TENM3: variants seen among roughly 807,000 people sequenced by gnomAD.
TENM3 encodes teneurin-3.
TENM3 carries 63 observed loss-of-function variants against 255.1 expected under a neutral mutation model. The ratio of observed to expected loss-of-function variants is 0.25; its 90% confidence interval spans 0.20 to 0.30. TENM3 has a LOEUF of 0.30. Ranked by LOEUF, TENM3 falls within the 10% of genes least tolerant of loss-of-function variation. The pLI, the probability that TENM3 is intolerant of heterozygous loss-of-function variation, is 1.00. For missense variants in TENM3, 2,929 were observed against 3,461.1 expected (o/e 0.85, Z 3.86); for synonymous variants, 1,306 against 1,322.3 (o/e 0.99, Z 0.27).
chr4:182,619,140 C>A (rs1008932101), intron 4 of TENM3, among the ~76,000 whole-genome samples: 1 of 152,012 alleles, frequency 6.6e-6, no homozygotes, highest in African/African-American at 2.4e-5. Context: ...AAAATAGGAG[C>A]TAGAAGGCCA....
In TENM3 at chr4:182,437,821, G is replaced by A. The variant is rs1002783019; in HGVS notation, c.511+90892G>A. Among the ~76,000 whole-genome samples, 27 of 149,418 alleles carry A rather than the reference G, an allele frequency of 1.8e-4. 2 individuals carry two copies. Among genetic ancestry groups the A allele is most frequent in the South Asian group, 4.3e-4 (2 of 4,688 alleles). ...TAAAAAAAAAAAAAAATATCTGGGC[G>A]GGCACCTGTAGTCCCAGCTACTCCA... is the stretch of plus-strand genomic sequence containing the variant. On this transcript the variant is annotated intron_variant, in intron 3 of 27. Coordinates refer to ENST00000511685, the MANE Select transcript of TENM3 (RefSeq NM_001080477.4).
At chr4:181,590,547 C>G in the TENM3 span, among the ~76,000 whole-genome samples, 1 of 152,174 alleles carries the variant, frequency 6.6e-6, no homozygotes. Context: ...ATACTGGGAG[C>G]CTTCCCACTA....
the TENM3 span, among the ~76,000 whole-genome samples, chr4:181,759,044 A>G: frequency 6.6e-5 from 10 of 152,154 alleles, no homozygotes; most frequent in Admixed American, 6.5e-4. Context: ...GCTCTTAACT[A>G]TTCATAATAC....
chr4:182,252,702 A>G (rs1758099771), intron 1 of TENM3, among the ~76,000 whole-genome samples: 2 of 152,226 alleles, frequency 1.3e-5, no homozygotes, highest in Non-Finnish European at 2.9e-5. Context: ...CTTTGGGCTC[A>G]GTACTTTAGC....
the TENM3 span, among the ~76,000 whole-genome samples, chr4:181,964,328 G>A: frequency 1.3e-5 from 2 of 152,112 alleles, no homozygotes; most frequent in Non-Finnish European, 2.9e-5. Flanking sequence ...ATTTTACAAA[G>A]CTTTTAGAAC....
chr4:182,021,418 C>G, the TENM3 span, among the ~76,000 whole-genome samples: 1 of 152,236 alleles, frequency 6.6e-6, no homozygotes, highest in Non-Finnish European at 1.5e-5. Flanking sequence ...GCGTATCCTT[C>G]CCTCTCCCTC....
At chr4:181,603,470 A>G in the TENM3 span, among the ~76,000 whole-genome samples, 2,203 of 152,274 alleles carry the variant, frequency 0.014, 31 homozygotes, top group South Asian at 0.049. Flanking sequence ...AGAAAGAAAG[A>G]CAACAATACC....
In TENM3 at chr4:182,751,987, G is replaced by A; in HGVS notation, c.3817G>A (p.Gly1273Arg). The A allele has an allele frequency of 6.2e-7, 1 of 1,613,232 alleles. No individual in the cohort carries two copies. Among genetic ancestry groups the A allele is most frequent in the Non-Finnish European group, 8.5e-7 (1 of 1,179,592 alleles). Residue 1273 changes from glycine (G) to arginine (R), a missense_variant, in exon 20 of 28, where the codon GGG (glycine) becomes AGG (arginine). By Grantham distance (125) the Gly-to-Arg change is moderately radical (BLOSUM62 -2). Transcript: ENST00000511685. ...QCLPFDEARC[G>R]DGGKAVEATL... ...CCTTCCGTTTGACGAGGCGAGATGTGGGGATGGAGGGAAGGCCGTGGAAGC... is the reference window on the plus strand; with the variant it reads ...CCTTCCGTTTGACGAGGCGAGATGTAGGGATGGAGGGAAGGCCGTGGAAGC...
At chr4:182,016,618 C>T in the TENM3 span, among the ~76,000 whole-genome samples, 2 of 152,162 alleles carry the variant, frequency 1.3e-5, no homozygotes, top group African/African-American at 4.8e-5. Context: ...GTCTCACATT[C>T]TCTATAGGCA....
intron 5 of TENM3, among the ~76,000 whole-genome samples, chr4:182,637,422 G>A (rs1313707448): frequency 3.9e-5 from 6 of 152,182 alleles, no homozygotes; most frequent in Non-Finnish European, 7.3e-5. Flanking sequence ...CTGGGAGGCT[G>A]AGGCAGAAGG....
At chr4:181,888,616 GTGGAAA>G in the TENM3 span, among the ~76,000 whole-genome samples, 1 of 129,116 alleles carries the variant, frequency 7.7e-6, no homozygotes, top group Non-Finnish European at 1.6e-5. Flanking sequence ...GTGTGTGTGT[GTGGAAA>G]GAGAGAGAGA....
At chr4:181,716,076 A>C in the TENM3 span, among the ~76,000 whole-genome samples, 1 of 152,216 alleles carries the variant, frequency 6.6e-6, no homozygotes, top group Non-Finnish European at 1.5e-5. Context: ...AGCTAACAAA[A>C]TGTACAATAA....
chr4:181,888,548 A>ATATATATG, the TENM3 span, among the ~76,000 whole-genome samples: 6 of 99,970 alleles, frequency 6.0e-5, no homozygotes, highest in African/African-American at 2.4e-4. Context: ...ATATATATAT[A>ATATATATG]TGTATATATA....
At position 182,324,869 on chromosome 4, in the gene TENM3, C is replaced by T. The variant is rs185939116; in HGVS notation, c.232+617C>T. Among the ~76,000 whole-genome samples, 364 of 152,244 alleles carry T rather than the reference C, an allele frequency of 2.4e-3. 6 individuals carry two copies. The highest frequency in any genetic ancestry group is 4.6e-4 in the Non-Finnish European group (31 of 68,006). On this transcript the variant is annotated intron_variant, in intron 2 of 27. Coordinates refer to ENST00000511685, the MANE Select transcript of TENM3 (RefSeq NM_001080477.4). ...TAATCCACTAGGGCTTGGTCATTCGCGTCTATCTGTTGAACATTTTTACAC... is the reference window on the plus strand; with the variant it reads ...TAATCCACTAGGGCTTGGTCATTCGTGTCTATCTGTTGAACATTTTTACAC...
chr4:181,664,485 A>AAC, the TENM3 span, among the ~76,000 whole-genome samples: 1 of 125,438 alleles, frequency 8.0e-6, no homozygotes, highest in African/African-American at 3.1e-5. Flanking sequence ...ATAAAAAAAA[A>AAC]CAAAACAAAA....
At chr4:182,564,133 G>A (rs947314680) in intron 3 of TENM3, among the ~76,000 whole-genome samples, 34 of 152,142 alleles carry the variant, frequency 2.2e-4, no homozygotes, top group African/African-American at 8.2e-4. Context: ...CCTGGCATAA[G>A]ATTTTCCTGC....
At chr4:182,078,271 C>G in the TENM3 span, among the ~76,000 whole-genome samples, 1 of 152,256 alleles carries the variant, frequency 6.6e-6, no homozygotes, top group South Asian at 2.1e-4. Context: ...CACCTTTAAT[C>G]CCAGCACTTT....
At chr4:182,737,814 T>G (rs1427992886) in intron 17 of TENM3, among the ~76,000 whole-genome samples, 1 of 152,174 alleles carries the variant, frequency 6.6e-6, no homozygotes, top group Non-Finnish European at 1.5e-5. Context: ...TTGCCACTTC[T>G]CCTTTCATTT....
chr4:181,697,816 C>G, the TENM3 span, among the ~76,000 whole-genome samples: 1 of 152,118 alleles, frequency 6.6e-6, no homozygotes, highest in African/African-American at 2.4e-5. Flanking sequence ...TTTCTAAAAG[C>G]AAAGAGAAAA....
Sources: gnomAD v4.1 joint callset for allele counts (sites outside exome capture counted in the v4.1 genomes callset) on GRCh38, gnomAD v4.1.1 for gene constraint, MANE v1.5 for transcripts, NCBI Gene and HGNC (gene_info 2026-07-23, HGNC 2026-07-21) for gene names.